Variants in PTPRO observed in about 807,000 individuals in gnomAD.
PTPRO encodes receptor-type tyrosine-protein phosphatase O.
PTPRO carries 62 observed loss-of-function variants against 145.2 expected under a neutral mutation model. The ratio of observed to expected loss-of-function variants is 0.43; its 90% CI spans 0.35 to 0.53. The LOEUF is 0.53. PTPRO is among the 20% of genes least tolerant of loss of function. The pLI is 0.01. For synonymous variants in PTPRO, 565 were observed against 514.7 expected (o/e 1.10, Z -1.32); for missense variants, 1,345 against 1,482.7 (o/e 0.91, Z 1.53).
intron 1 of PTPRO, among the ~76,000 whole-genome samples, chr12:15,404,304 G>T (rs1305691998): frequency 6.6e-6 from 1 of 151,022 alleles, no homozygotes; most frequent in Non-Finnish European, 1.5e-5. Context: ...ATTTCTTAAA[G>T]TCTTTGCTAA....
chr12:15,397,220 TTA>T (rs371737315), intron 1 of PTPRO, among the ~76,000 whole-genome samples: 89 of 152,306 alleles, frequency 5.8e-4, no homozygotes, highest in African/African-American at 2.0e-3. Flanking sequence ...CAGATAATAT[TTA>T]TATTTCTAAC....
intron 12 of PTPRO, among the ~76,000 whole-genome samples, chr12:15,528,222 AT>A (rs1340233098): frequency 6.6e-6 from 1 of 151,430 alleles, no homozygotes; most frequent in Non-Finnish European, 1.5e-5. Context: ...ACTATAAGAT[AT>A]TAAAAAAAAA....
chr12:15,548,528 ATGTGTGTG>A (rs34372542), intron 13 of PTPRO, among the ~76,000 whole-genome samples: 2 of 149,228 alleles, frequency 1.3e-5, no homozygotes, highest in African/African-American at 2.5e-5. Context: ...GTGTATATAT[ATGTGTGTG>A]TGTGTGTGTG....
At chr12:15,446,892 A>G (rs956681560) in intron 1 of PTPRO, among the ~76,000 whole-genome samples, 1 of 152,154 alleles carries the variant, frequency 6.6e-6, no homozygotes, top group Non-Finnish European at 1.5e-5. Flanking sequence ...GCTTGGAAAG[A>G]GCTGGCCAAG....
chr12:15,483,096 T>G (rs990172645), intron 1 of PTPRO, among the ~76,000 whole-genome samples: 7 of 152,062 alleles, frequency 4.6e-5, no homozygotes, highest in African/African-American at 1.7e-4. Flanking sequence ...GAAAAGAAAT[T>G]TGAGGCTCAG....
intron 1 of PTPRO, among the ~76,000 whole-genome samples, chr12:15,380,295 G>C (rs1938818138): frequency 1.3e-5 from 2 of 151,958 alleles, no homozygotes; most frequent in South Asian, 4.2e-4. Flanking sequence ...AATAGTCAGG[G>C]ACAATTCTTA....
At chr12:15,405,793 G>A (rs1565611050) in intron 1 of PTPRO, among the ~76,000 whole-genome samples, 1 of 152,102 alleles carries the variant, frequency 6.6e-6, no homozygotes, top group Non-Finnish European at 1.5e-5. Flanking sequence ...AATACTAGAA[G>A]ATGAGTTAAT....
At chr12:15,420,178 C>T (rs888145590) in intron 1 of PTPRO, among the ~76,000 whole-genome samples, 4 of 150,456 alleles carry the variant, frequency 2.7e-5, no homozygotes, top group African/African-American at 5.0e-5. Flanking sequence ...AAAAGAGTGT[C>T]CCCTCTGAAT....
intron 8 of PTPRO, among the ~76,000 whole-genome samples, chr12:15,515,987 G>GTTTTTTTTTTTTTTTTT (rs1387922121): frequency 2.2e-4 from 18 of 80,662 alleles, no homozygotes; most frequent in South Asian, 4.0e-4. Flanking sequence ...TTTTTTTTTT[G>GTTTTTTTTTTTTTTTTT]TTTTGTTTTT....
intron 2 of PTPRO, 102 bp from the exon 3 acceptor site, chr12:15,497,143 G>A (rs1347329516): frequency 1.9e-5 from 21 of 1,090,812 alleles, no homozygotes; most frequent in Non-Finnish European, 2.6e-5. Flanking sequence ...AAAATTATGC[G>A]TGAATTTCTG....
At chr12:15,407,971 T>C (rs540413978) in intron 1 of PTPRO, among the ~76,000 whole-genome samples, 3 of 152,324 alleles carry the variant, frequency 2.0e-5, no homozygotes, top group South Asian at 2.1e-4. Context: ...TGATAAGGAC[T>C]GATTTGATCT....
intron 1 of PTPRO, among the ~76,000 whole-genome samples, chr12:15,458,653 AT>A (rs1941234719): frequency 6.7e-6 from 1 of 149,842 alleles, no homozygotes; most frequent in Non-Finnish European, 1.5e-5. Context: ...TTTTTTAGTT[AT>A]TGTATTCTTC....
chr12:15,452,134 A>T (rs538187020), intron 1 of PTPRO, among the ~76,000 whole-genome samples: 1 of 152,312 alleles, frequency 6.6e-6, no homozygotes, highest in East Asian at 1.9e-4. Flanking sequence ...AGATCCAAAT[A>T]AGCTCAATTA....
Position 15,571,985 on chromosome 12 carries a change from T to C in PTPRO, c.2829+2487T>C, listed in dbSNP as rs1254693715. Among the ~76,000 whole-genome samples the C allele has an allele frequency of 2.6e-5, 4 of 152,248 alleles. No homozygotes were observed. In the East Asian group the frequency reaches 7.7e-4, roughly 29 times the overall value. ...TAATATGCTGAGGGCTTTTATTCATTCAATGGATAAATGAATACATTTAGC... is the reference window on the plus strand; with the variant it reads ...TAATATGCTGAGGGCTTTTATTCATCCAATGGATAAATGAATACATTTAGC... On this transcript the variant is annotated intron_variant, in intron 19 of 26. Transcript: ENST00000281171.
intron 1 of PTPRO, among the ~76,000 whole-genome samples, chr12:15,356,724 T>C (rs1022038675): frequency 3.9e-5 from 6 of 152,226 alleles, no homozygotes; most frequent in South Asian, 2.1e-4. Flanking sequence ...AATCAGTTCA[T>C]TTCTTTATAT....
chr12:15,446,948 C>T (rs972325483), intron 1 of PTPRO, among the ~76,000 whole-genome samples: 2 of 152,022 alleles, frequency 1.3e-5, no homozygotes, highest in African/African-American at 2.4e-5. Context: ...GCACACATTA[C>T]TCATATTTGG....
At chr12:15,491,017 G>A (rs1413216489) in intron 2 of PTPRO, among the ~76,000 whole-genome samples, 1 of 152,238 alleles carries the variant, frequency 6.6e-6, no homozygotes, top group Admixed American at 6.5e-5. Flanking sequence ...GGTACTGGAT[G>A]TGATGGTCAC....
intron 12 of PTPRO, among the ~76,000 whole-genome samples, chr12:15,544,406 G>A (rs1943238765): frequency 6.7e-6 from 1 of 149,942 alleles, no homozygotes; most frequent in South Asian, 2.1e-4. Flanking sequence ...TCAGGAGGCT[G>A]AGGCAGGAGA....
At chr12:15,377,176 T>C (rs1321250329) in intron 1 of PTPRO, among the ~76,000 whole-genome samples, 1 of 151,986 alleles carries the variant, frequency 6.6e-6, no homozygotes, top group African/African-American at 2.4e-5. Flanking sequence ...GAGCAACCAC[T>C]AAGAAAATAG....
Sources: gnomAD v4.1 joint callset for allele counts (sites outside exome capture counted in the v4.1 genomes callset) on GRCh38, gnomAD v4.1.1 for gene constraint, MANE v1.5 for transcripts, NCBI Gene and HGNC (gene_info 2026-07-23, HGNC 2026-07-21) for gene names.